Variants in ARG2 observed in about 807,000 individuals in gnomAD.
The protein encoded by ARG2 is arginase-2, mitochondrial.
ARG2 carries 21 observed loss-of-function variants against 39.4 expected under a neutral mutation model. The observed-to-expected ratio is 0.53, with a 90% CI of 0.38 to 0.77. The LOEUF (loss-of-function observed/expected upper bound fraction) is 0.77. Among genes scored for constraint, ARG2 ranks in the 30% least tolerant of loss-of-function variants. ARG2 has a pLI of 0.00. For missense variants in ARG2, 378 were observed against 426.2 expected, an observed-to-expected ratio of 0.89 and a Z score of 1.00; for synonymous variants, 150 against 156.7, an observed-to-expected ratio of 0.96 and a Z score of 0.32.
chr14:67,650,503 G>T (rs926267165), intron 7 of ARG2: 5 of 578,084 alleles, frequency 8.6e-6, no homozygotes, highest in Non-Finnish European at 1.2e-5. Flanking sequence ...ATCTTAAAAG[G>T]TTTCTTTTAA....
chr14:67,644,292 C>G (rs2140773094), intron 3 of ARG2, among the ~76,000 whole-genome samples: 1 of 152,324 alleles, frequency 6.6e-6, no homozygotes, highest in East Asian at 1.9e-4. Context: ...CAAAGCAACT[C>G]TGATTTACAC....
chr14:67,651,193 C>G lies in ARG2; in HGVS notation c.*273C>G. ...GCATTTATTACCTTGGTATATCATA[C>G]TGGTCTTGTTGCTGTTGTTCCTTCA... On this transcript the variant is annotated 3_prime_UTR_variant, in exon 8 of 8. Transcript: ENST00000261783. 3 of 1,124,668 alleles carry G rather than the reference C, an allele frequency of 2.7e-6. No individual in the cohort carries two copies. In the South Asian group the frequency reaches 4.9e-5, roughly 18 times the overall value. 69.7% of individuals were successfully genotyped at this position (1,124,668 alleles called of 1,614,324 possible). A position where few individuals can be genotyped will look rare whatever the true frequency, so the allele number is the denominator to read the frequency against.
chr14:67,625,453 C>T (rs898293997), intron 2 of ARG2, among the ~76,000 whole-genome samples: 23 of 151,606 alleles, frequency 1.5e-4, no homozygotes, highest in Admixed American at 3.9e-4. Context: ...CTGAGGCAGG[C>T]GGATCACCTG....
chr14:67,627,889 G>A (rs1418412724), intron 2 of ARG2, among the ~76,000 whole-genome samples: 2 of 152,196 alleles, frequency 1.3e-5, no homozygotes, highest in East Asian at 3.8e-4. Context: ...TAAATTATTG[G>A]AATGAGCTTG....
At chr14:67,636,390 C>A (rs1431998057) in intron 2 of ARG2, among the ~76,000 whole-genome samples, 1 of 152,238 alleles carries the variant, frequency 6.6e-6, no homozygotes, top group Non-Finnish European at 1.5e-5. Flanking sequence ...GAAATTCTTC[C>A]TCTGCAATGT....
At chr14:67,645,037 A>G (rs1168250239) in intron 3 of ARG2, among the ~76,000 whole-genome samples, 4 of 151,958 alleles carry the variant, frequency 2.6e-5, no homozygotes, top group Non-Finnish European at 4.4e-5. Context: ...GCTAATATAT[A>G]TAAGGTAACA....
At chr14:67,628,497 G>A (rs1456151647) in intron 2 of ARG2, among the ~76,000 whole-genome samples, 2 of 152,172 alleles carry the variant, frequency 1.3e-5, no homozygotes, top group East Asian at 1.9e-4. Context: ...ACACTATTGG[G>A]ATTTGGCAAA....
At chr14:67,623,560 T>TG (rs1555378998) in intron 2 of ARG2, among the ~76,000 whole-genome samples, 1 of 113,492 alleles carries the variant, frequency 8.8e-6, no homozygotes, top group Non-Finnish European at 1.7e-5. Flanking sequence ...TTTTTTTTTT[T>TG]GAGACGGAGT....
At chr14:67,644,417 G>C (rs1457956351) in intron 3 of ARG2, among the ~76,000 whole-genome samples, 1 of 152,128 alleles carries the variant, frequency 6.6e-6, no homozygotes, top group African/African-American at 2.4e-5. Flanking sequence ...CTAGTATTCT[G>C]ACTTAATCCA....
intron 2 of ARG2, among the ~76,000 whole-genome samples, chr14:67,624,131 A>G (rs1482521095): frequency 6.6e-6 from 1 of 152,222 alleles, no homozygotes; most frequent in Non-Finnish European, 1.5e-5. Flanking sequence ...GGAGCAGTAT[A>G]TCTGCACTCG....
intron 2 of ARG2, among the ~76,000 whole-genome samples, chr14:67,639,764 T>C (rs1471982947): frequency 6.6e-6 from 1 of 151,776 alleles, no homozygotes; most frequent in Admixed American, 6.6e-5. Flanking sequence ...CTACTAAAAA[T>C]ACAAAAACAA....
chr14:67,628,101 T>C (rs1449764111), intron 2 of ARG2, among the ~76,000 whole-genome samples: 1 of 152,210 alleles, frequency 6.6e-6, no homozygotes, highest in Non-Finnish European at 1.5e-5. Flanking sequence ...AGCTGAGGCA[T>C]GAGCTGATAA....
In ARG2 at chr14:67,632,597, G is replaced by T. The variant is rs554145257; in HGVS notation, c.185-9589G>T. ...CTTACCCTTCTGTAGGAACTGAGAG[G>T]TTGAGGCACTATCTCCCTAAATGTT... is the stretch of plus-strand genomic sequence containing the variant. On this transcript the variant is annotated intron_variant, in intron 2 of 7. Coordinates refer to ENST00000261783, the MANE Select transcript of ARG2 (RefSeq NM_001172.4). 4.6e-5 allele frequency among the ~76,000 whole-genome samples: 7 copies of T among 152,216 alleles called. No individual in the cohort carries two copies. The South Asian group carries it at 1.2e-3, about 27-fold the overall frequency.
At chr14:67,642,062 A>G (rs2037037563) in intron 2 of ARG2, 124 bp from the exon 3 acceptor site, 1 of 981,784 alleles carries the variant, frequency 1.0e-6, no homozygotes, top group African/African-American at 1.6e-5. Context: ...TTGACATTTT[A>G]AATTTTACTG....
At chr14:67,635,241 CA>C (rs531549512) in intron 2 of ARG2, among the ~76,000 whole-genome samples, 1 of 151,220 alleles carries the variant, frequency 6.6e-6, no homozygotes, top group Middle Eastern at 3.2e-3. Flanking sequence ...AAGACCATCT[CA>C]AAAAAAAGAG....
chr14:67,641,834 G>A (rs956579542), intron 2 of ARG2, among the ~76,000 whole-genome samples: 1 of 152,090 alleles, frequency 6.6e-6, no homozygotes, highest in Non-Finnish European at 1.5e-5. Flanking sequence ...TAAATTAATA[G>A]TACTTAATTT....
At chr14:67,640,783 G>A (rs542471817) in intron 2 of ARG2, among the ~76,000 whole-genome samples, 46 of 152,268 alleles carry the variant, frequency 3.0e-4, no homozygotes, top group African/African-American at 1.1e-3. Context: ...CTTAGGTGGG[G>A]AAATATTCAA....
chr14:67,634,263 A>G (rs777381956), intron 2 of ARG2, among the ~76,000 whole-genome samples: 1 of 152,108 alleles, frequency 6.6e-6, no homozygotes, highest in Non-Finnish European at 1.5e-5. Flanking sequence ...CTCAAAGGAT[A>G]ACTGCCATAT....
chr14:67,647,830 A>C (rs1481756837), intron 6 of ARG2: 1 of 560,650 alleles, frequency 1.8e-6, no homozygotes, highest in African/African-American at 1.9e-5. Context: ...ATGCAGAACA[A>C]ATGGCAGTAT....
Sources: allele counts gnomAD v4.1 joint callset (sites outside exome capture counted in the v4.1 genomes callset), GRCh38; gene constraint gnomAD v4.1.1; transcripts MANE v1.5; gene names NCBI Gene and HGNC (gene_info 2026-07-23, HGNC 2026-07-21).